The following HEATR4 variants were observed in gnomAD, a reference collection of about 807,000 sequenced individuals.
The protein encoded by HEATR4 is HEAT repeat-containing protein 4.
In HEATR4, 95 loss-of-function variants were observed where a neutral mutation model predicts 108.8. That is an observed-to-expected ratio of 0.87 (90% confidence interval 0.74 to 1.04). The LOEUF (loss-of-function observed/expected upper bound fraction) is 1.04. Among genes scored for constraint, HEATR4 ranks in the 50% least tolerant of loss-of-function variants. HEATR4 has a pLI of 0.00. For missense variants in HEATR4, 1,152 were observed against 1,253.8 expected (o/e 0.92, Z 1.23); for synonymous variants, 443 against 459.4 (o/e 0.96, Z 0.46).
At chr14:73,520,717 G>A in intron 4 of HEATR4, 135 bp downstream of exon 4, 1 of 765,626 alleles carries the variant, frequency 1.3e-6, no homozygotes, top group Non-Finnish European at 2.2e-6. Context: ...TGTGGGTGCT[G>A]GGTCATGAAC....
chr14:73,574,713 C>A, the HEATR4 span, among the ~76,000 whole-genome samples: 1 of 151,980 alleles, frequency 6.6e-6, no homozygotes, highest in Non-Finnish European at 1.5e-5. Context: ...ACATGGTTAT[C>A]ACCAAGAGTG....
At chr14:73,505,682 C>T (rs28369564) in intron 10 of HEATR4, among the ~76,000 whole-genome samples, 23,658 of 151,744 alleles carry the variant, frequency 0.16, 2,240 homozygotes, top group East Asian at 0.3. Context: ...TGTGAGCCAC[C>T]GTGCCCGGCC....
At position 73,498,313 on chromosome 14, in the gene HEATR4, C is replaced by T; in HGVS notation, c.2388G>A (p.Glu796=). 2 of 1,609,804 alleles carry T rather than the reference C, an allele frequency of 1.2e-6. No individual in the cohort carries two copies. The highest frequency in any genetic ancestry group is 1.7e-6 in the Non-Finnish European group (2 of 1,177,080). Residue 796 remains glutamate, a synonymous_variant, in exon 14 of 18, where the codon GAG becomes GAA. Coordinates refer to ENST00000553558, the MANE Select transcript of HEATR4 (RefSeq NM_001220484.1). The part of the protein sequence containing the change: ...ALGQIGQVSP[E]LTDLLLWAIH... ...TAGCCCAGAGCAGAAGATCCGTCAG[C>T]TCGGGACTTACTTGCCCAATCTGTC... is the stretch of plus-strand genomic sequence containing the variant.
chr14:73,569,408 C>A, the HEATR4 span: 178 of 1,613,846 alleles, frequency 1.1e-4, 1 homozygote, highest in Non-Finnish European at 1.4e-4. Context: ...TTGGTCAGAT[C>A]ATTAGGGTTC....
chr14:73,599,516 G>T, the HEATR4 span, among the ~76,000 whole-genome samples: 1 of 152,100 alleles, frequency 6.6e-6, no homozygotes, highest in Non-Finnish European at 1.5e-5. Context: ...TTAGCAAGAA[G>T]GCCCAGATGG....
chr14:73,590,930 C>T, the HEATR4 span, among the ~76,000 whole-genome samples: 2 of 152,158 alleles, frequency 1.3e-5, no homozygotes, highest in Non-Finnish European at 2.9e-5. Flanking sequence ...CCAGAGTGGG[C>T]GCCAAGGCCG....
chr14:73,506,744 C>T (rs984185339), intron 9 of HEATR4, among the ~76,000 whole-genome samples, 173 bp from the exon 10 acceptor site: 1 of 142,964 alleles, frequency 7.0e-6, no homozygotes, highest in African/African-American at 2.6e-5. Flanking sequence ...AATTGGGGAA[C>T]AAAATACAAA....
At chr14:73,565,639 G>C in the HEATR4 span, among the ~76,000 whole-genome samples, 5 of 151,824 alleles carry the variant, frequency 3.3e-5, no homozygotes, top group Admixed American at 2.0e-4. Context: ...CGCTGGCTTA[G>C]GACTGAAGCT....
chr14:73,499,579 C>T (rs1461785930), intron 12 of HEATR4, among the ~76,000 whole-genome samples: 2 of 152,184 alleles, frequency 1.3e-5, no homozygotes, highest in Non-Finnish European at 1.5e-5. Flanking sequence ...CCTATCAATT[C>T]TGGTGACAAA....
At chr14:73,603,784 A>T in the HEATR4 span, among the ~76,000 whole-genome samples, 1 of 150,220 alleles carries the variant, frequency 6.7e-6, no homozygotes, top group African/African-American at 2.5e-5. Context: ...GCCAGGTTGG[A>T]GTGCAGTGGT....
the HEATR4 span, among the ~76,000 whole-genome samples, chr14:73,626,619 G>A: frequency 1.3e-5 from 2 of 151,748 alleles, no homozygotes; most frequent in Non-Finnish European, 2.9e-5. Flanking sequence ...CTTGAGCCCA[G>A]AGGTTCAAAA....
chr14:73,584,627 T>C, the HEATR4 span, among the ~76,000 whole-genome samples: 1 of 148,112 alleles, frequency 6.8e-6, no homozygotes, highest in African/African-American at 2.5e-5. Flanking sequence ...CCGGGGCCTG[T>C]TGGGAGCCCC....
At chr14:73,537,345 A>T in intron 1 of HEATR4, 1 of 1,161,236 alleles carries the variant, frequency 8.6e-7, no homozygotes, top group Non-Finnish European at 1.1e-6. Context: ...CGGCAGCCCG[A>T]GAGGAAGAGT....
chr14:73,592,286 G>A, the HEATR4 span: 3 of 1,612,028 alleles, frequency 1.9e-6, no homozygotes, highest in Non-Finnish European at 1.7e-6. Flanking sequence ...TGGAGGTGCT[G>A]GACGGCCACG....
the HEATR4 span, chr14:73,611,380 C>T: frequency 6.6e-6 from 1 of 152,260 alleles, no homozygotes; most frequent in African/African-American, 2.4e-5. Context: ...AGGTACAACT[C>T]CTATCAGACT....
At chr14:73,592,726 G>C in the HEATR4 span, among the ~76,000 whole-genome samples, 1 of 152,128 alleles carries the variant, frequency 6.6e-6, no homozygotes, top group Non-Finnish European at 1.5e-5. Flanking sequence ...GGTGGCACAC[G>C]CCTGTAGTCC....
At chr14:73,576,240 G>C in the HEATR4 span, among the ~76,000 whole-genome samples, 2 of 151,944 alleles carry the variant, frequency 1.3e-5, no homozygotes, top group Non-Finnish European at 2.9e-5. Context: ...AAGTGTATCA[G>C]ATTTGAGTTC....
chr14:73,532,755 C>T (rs926248564), intron 1 of HEATR4, among the ~76,000 whole-genome samples: 1 of 114,040 alleles, frequency 8.8e-6, no homozygotes, highest in African/African-American at 2.9e-5. Flanking sequence ...GAGATTGAAA[C>T]CATCCTAGCT....
upstream of HEATR4, among the ~76,000 whole-genome samples, chr14:73,559,728 G>GTGAA (rs1889482775): frequency 6.6e-6 from 1 of 151,986 alleles, no homozygotes; most frequent in Admixed American, 6.6e-5. Flanking sequence ...GGCAGCAAGA[G>GTGAA]TGAAGTGCAG....
Sources: gnomAD v4.1 joint callset for allele counts (sites outside exome capture counted in the v4.1 genomes callset) on GRCh38, gnomAD v4.1.1 for gene constraint, MANE v1.5 for transcripts, NCBI Gene and HGNC (gene_info 2026-07-23, HGNC 2026-07-21) for gene names.